EXT2: variants seen among roughly 807,000 people sequenced by gnomAD.
The protein encoded by EXT2 is exostosin-2.
EXT2 carries 53 observed loss-of-function variants against 81.6 expected under a neutral mutation model. The observed-to-expected ratio is 0.65, with a 90% confidence interval of 0.52 to 0.82. The LOEUF (loss-of-function observed/expected upper bound fraction) is 0.82, where lower values mean the gene tolerates loss of function less well. EXT2 is among the 40% of genes least tolerant of loss of function. The pLI is 0.00. For missense variants in EXT2, 774 were observed against 910.2 expected (o/e 0.85, Z 1.93); for synonymous variants, 320 against 340.0 (o/e 0.94, Z 0.65).
intron 4 of EXT2, among the ~76,000 whole-genome samples, chr11:44,119,169 T>TATATACACACAC (rs1192115471): frequency 1.3e-4 from 8 of 63,146 alleles, no homozygotes; most frequent in African/African-American, 4.7e-4. Context: ...TATATATATA[T>TATATACACACAC]ACACATACAC....
At chr11:44,119,387 C>A (rs1375759739) in intron 4 of EXT2, among the ~76,000 whole-genome samples, 1 of 151,934 alleles carries the variant, frequency 6.6e-6, no homozygotes, top group Non-Finnish European at 1.5e-5. Context: ...AGAAACCAGG[C>A]ACAAGCCTTC....
At chr11:44,166,327 G>A (rs1004817340) in intron 7 of EXT2, among the ~76,000 whole-genome samples, 4 of 152,138 alleles carry the variant, frequency 2.6e-5, no homozygotes, top group East Asian at 3.8e-4. Context: ...AAACATTTTG[G>A]CTGGATGATA....
chr11:44,221,842 C>T (rs767192728), intron 10 of EXT2, among the ~76,000 whole-genome samples: 8 of 152,266 alleles, frequency 5.3e-5, no homozygotes, highest in Admixed American at 3.3e-4. Flanking sequence ...CCTGCAAAAT[C>T]GTGAGTTTCA....
intron 10 of EXT2, among the ~76,000 whole-genome samples, chr11:44,218,294 A>C (rs1955742326): frequency 6.6e-6 from 1 of 152,192 alleles, no homozygotes; most frequent in South Asian, 2.1e-4. Context: ...AAGAAGAAAG[A>C]CACCAAAGGA....
chr11:44,127,247 C>T (rs1000352853), intron 6 of EXT2, among the ~76,000 whole-genome samples: 1 of 152,068 alleles, frequency 6.6e-6, no homozygotes, highest in Non-Finnish European at 1.5e-5. Flanking sequence ...GTAATTGCAA[C>T]AGAAATTGGA....
chr11:44,251,155 A>G lies in EXT2; in HGVS notation c.*6868A>G, dbSNP rs899336092. On this transcript the variant is annotated 3_prime_UTR_variant, in exon 14 of 14. Coordinates refer to ENST00000533608, the MANE Select transcript of EXT2 (RefSeq NM_207122.2). ...GCCAAATGAGGGTTCCATTAACTCC[A>G]TCTTGTCTAATGCATGGAGAATTCA... Among the ~76,000 whole-genome samples the G allele has an allele frequency of 1.4e-4, 21 of 151,020 alleles. No individual in the cohort carries two copies. The highest frequency in any genetic ancestry group is 5.1e-4 in the African/African-American group (21 of 41,074).
intron 7 of EXT2, among the ~76,000 whole-genome samples, chr11:44,148,239 T>C (rs4338508): frequency 0.87 from 132,706 of 152,214 alleles, 58,468 homozygotes; most frequent in East Asian, 0.99. Flanking sequence ...CTAAATGTTG[T>C]TGAGGAAACT....
chr11:44,096,146 C>T, intron 1 of EXT2: 5 of 1,096,076 alleles, frequency 4.6e-6, no homozygotes, highest in Non-Finnish European at 6.7e-6. Flanking sequence ...GCCCCCAGTC[C>T]GCTCCTTCCT....
chr11:44,121,100 T>C (rs10769017), intron 4 of EXT2, among the ~76,000 whole-genome samples: 45,433 of 152,004 alleles, frequency 0.3, 7,219 homozygotes, highest in Admixed American at 0.44. Flanking sequence ...TTGTTCACAT[T>C]GGGTGGGGAA....
chr11:44,192,007 G>A (rs994905242), intron 8 of EXT2, among the ~76,000 whole-genome samples: 9 of 152,130 alleles, frequency 5.9e-5, no homozygotes, highest in African/African-American at 1.9e-4. Context: ...CAAAAGAAAC[G>A]AAAAAGCTAG....
intron 8 of EXT2, among the ~76,000 whole-genome samples, chr11:44,180,021 C>T (rs896151685): frequency 4.6e-5 from 7 of 152,022 alleles, no homozygotes; most frequent in African/African-American, 1.7e-4. Context: ...TTGGCTCTCC[C>T]TTTTTTTTCC....
intron 10 of EXT2, among the ~76,000 whole-genome samples, chr11:44,228,963 CAG>C (rs565344871): frequency 1.4e-3 from 209 of 151,726 alleles, no homozygotes; most frequent in African/African-American, 4.2e-3. Flanking sequence ...TCAAAGTAAA[CAG>C]GGGGAGAAAA....
chr11:44,233,702 T>A (rs1207842687), intron 11 of EXT2, among the ~76,000 whole-genome samples: 1 of 152,228 alleles, frequency 6.6e-6, no homozygotes, highest in Non-Finnish European at 1.5e-5. Flanking sequence ...CCTCATATTT[T>A]TCAGGTCTCT....
At chr11:44,131,842 A>T (rs1021936496) in intron 7 of EXT2, among the ~76,000 whole-genome samples, 3 of 152,062 alleles carry the variant, frequency 2.0e-5, no homozygotes, top group African/African-American at 4.8e-5. Context: ...GGTTCTAGTG[A>T]TTCTCCTGCC....
At position 44,246,366 on chromosome 11, in the gene EXT2, C is replaced by T. The variant is rs1005062817; in HGVS notation, c.*2079C>T. ...CTGGTTTCTAATGCAGCTTCTCTCCCAAAGGGTACATTTTTAAATTTTTAT... is the reference window on the plus strand; with the variant it reads ...CTGGTTTCTAATGCAGCTTCTCTCCTAAAGGGTACATTTTTAAATTTTTAT... On this transcript the variant is annotated 3_prime_UTR_variant, in exon 14 of 14. Transcript: ENST00000533608. Among the ~76,000 whole-genome samples the T allele has an allele frequency of 2.0e-5, 3 of 152,184 alleles. No homozygotes were observed. Among genetic ancestry groups the T allele is most frequent in the Admixed American group, 2.0e-4 (3 of 15,276 alleles).
At chr11:44,211,483 G>T (rs1955647847) in intron 10 of EXT2, among the ~76,000 whole-genome samples, 1 of 152,108 alleles carries the variant, frequency 6.6e-6, no homozygotes, top group South Asian at 2.1e-4. Flanking sequence ...GTGACAACGT[G>T]GATGAATCTA....
rs767285115 is a variant in EXT2 at position 44,108,228 on chromosome 11, A to G, written c.516A>G (p.Gln172=). 2 of 1,613,038 alleles carry G rather than the reference A, an allele frequency of 1.2e-6. No individual in the cohort carries two copies. Among genetic ancestry groups the G allele is most frequent in the Non-Finnish European group, 1.7e-6 (2 of 1,180,018 alleles). The change falls in exon 2 of 14, where the codon CAA becomes CAG. Residue 172 remains glutamine, a synonymous_variant. Transcript: ENST00000533608. The part of the protein sequence containing the change: ...QNTLRIKETA[Q]AMAQLSRWDR... ...CACTGCGCATCAAGGAGACAGCACA[A>G]GCGATGGCCCAGCTCTCTAGGTATC...
chr11:44,224,063 G>A (rs1955812907), intron 10 of EXT2, among the ~76,000 whole-genome samples: 1 of 152,174 alleles, frequency 6.6e-6, no homozygotes, highest in Admixed American at 6.5e-5. Flanking sequence ...CAATAGTTTT[G>A]CAAGATGTTG....
chr11:44,171,856 G>A (rs1955079775), intron 8 of EXT2, 114 bp downstream of exon 8: 2 of 1,521,688 alleles, frequency 1.3e-6, no homozygotes, highest in African/African-American at 1.4e-5. Context: ...TCTAAGATGA[G>A]AGTGTGCTTT....
Sources: gnomAD v4.1 joint callset for allele counts (sites outside exome capture counted in the v4.1 genomes callset) on GRCh38, gnomAD v4.1.1 for gene constraint, MANE v1.5 for transcripts, NCBI Gene and HGNC (gene_info 2026-07-23, HGNC 2026-07-21) for gene names.